Variants in SPACA7 observed in about 807,000 individuals in gnomAD.
SPACA7 encodes the protein sperm acrosome associated 7, also known as sperm acrosome-associated protein 7.
Under a neutral mutation model 26.3 loss-of-function variants are expected in SPACA7, and 19 were observed. The ratio of observed to expected loss-of-function variants is 0.72; its 90% CI spans 0.50 to 1.06. SPACA7 has a LOEUF of 1.06. Among genes scored for constraint, SPACA7 ranks in the 50% least tolerant of loss-of-function variants. The pLI is 0.00. For synonymous variants in SPACA7, 84 were observed against 84.5 expected (o/e 0.99, Z 0.04); for missense variants, 211 against 229.9 (o/e 0.92, Z 0.53).
intron 2 of SPACA7, among the ~76,000 whole-genome samples, chr13:112,394,139 C>A (rs1239936644): frequency 6.6e-6 from 1 of 152,196 alleles, no homozygotes. Context: ...TTTGCCTTCA[C>A]GGCCATTTCC....
chr13:112,401,401 G>A (rs760940692), intron 5 of SPACA7, among the ~76,000 whole-genome samples: 2 of 152,054 alleles, frequency 1.3e-5, no homozygotes, highest in Non-Finnish European at 2.9e-5. Context: ...TGTAAATGTT[G>A]CATTCATTAC....
chr13:112,415,240 C>T (rs969644997), intron 5 of SPACA7, among the ~76,000 whole-genome samples: 5 of 152,224 alleles, frequency 3.3e-5, no homozygotes, highest in East Asian at 1.9e-4. Context: ...CTCTCATGGC[C>T]GCCACAGCTG....
rs547745951 is a variant in SPACA7 at position 112,415,833 on chromosome 13, G to C, written c.445+14669G>C. 5.9e-5 allele frequency among the ~76,000 whole-genome samples: 9 copies of C among 152,226 alleles called. No homozygotes were observed. In the South Asian group the frequency reaches 1.9e-3, roughly 32 times the overall value. ...CAGCAGTGAAGCAGGGCAGGACTCAGGTTCATCCTGCAGGGCAGCGATTCT... is the reference window on the plus strand; with the variant it reads ...CAGCAGTGAAGCAGGGCAGGACTCACGTTCATCCTGCAGGGCAGCGATTCT... On this transcript the variant is annotated intron_variant, in intron 5 of 6. Coordinates refer to ENST00000283550, the MANE Select transcript of SPACA7 (RefSeq NM_145248.5).
chr13:112,419,574 A>G (rs1270317106), intron 5 of SPACA7, among the ~76,000 whole-genome samples: 3 of 152,210 alleles, frequency 2.0e-5, no homozygotes, highest in African/African-American at 4.8e-5. Context: ...GAGTAAAAGC[A>G]AAACTTTTCT....
chr13:112,433,183 G>A (rs1160980415), intron 6 of SPACA7, among the ~76,000 whole-genome samples: 8 of 148,606 alleles, frequency 5.4e-5, no homozygotes, highest in Admixed American at 1.3e-4. Flanking sequence ...GCACTTGCCC[G>A]TCCACGCAGC....
chr13:112,405,664 G>T (rs1885941585), intron 5 of SPACA7, among the ~76,000 whole-genome samples: 1 of 152,276 alleles, frequency 6.6e-6, no homozygotes. Flanking sequence ...GGAATCTGGT[G>T]TGTGTTAATA....
intron 5 of SPACA7, 53 bp downstream of exon 5, chr13:112,401,217 G>T: frequency 7.2e-7 from 1 of 1,391,490 alleles, no homozygotes; most frequent in Non-Finnish European, 1.0e-6. Flanking sequence ...GGAGGCATGA[G>T]TGTGTGAGGT....
chr13:112,401,002 G>T lies in SPACA7; in HGVS notation c.350-67G>T, dbSNP rs1052252735. ...ACTTAGCATGTTTAAATAAATAAATGACCAAAGTGCTTATAAGTGTGTAAT... is the reference window on the plus strand; with the variant it reads ...ACTTAGCATGTTTAAATAAATAAATTACCAAAGTGCTTATAAGTGTGTAAT... On this transcript the variant is annotated intron_variant, in intron 4 of 6. Coordinates refer to ENST00000283550, the MANE Select transcript of SPACA7 (RefSeq NM_145248.5). The T allele has an allele frequency of 5.3e-6, 6 of 1,140,204 alleles. No homozygotes were observed. In the African/African-American group the frequency reaches 6.2e-5, roughly 12 times the overall value. 70.6% of individuals were successfully genotyped at this position (1,140,204 alleles called of 1,614,324 possible).
intron 4 of SPACA7, 37 bp from the exon 5 acceptor site, chr13:112,401,032 G>A (rs372974169): frequency 1.7e-5 from 26 of 1,500,270 alleles, no homozygotes; most frequent in Non-Finnish European, 2.3e-5. Context: ...TGTAATCAAG[G>A]ACATTTTCCC....
intron 1 of SPACA7, among the ~76,000 whole-genome samples, chr13:112,391,305 C>T (rs1477991509): frequency 6.6e-6 from 1 of 152,214 alleles, no homozygotes; most frequent in Non-Finnish European, 1.5e-5. Flanking sequence ...TCCTTACTCT[C>T]CTTGGTCCTT....
intron 5 of SPACA7, among the ~76,000 whole-genome samples, chr13:112,415,136 A>G (rs1886607053): frequency 6.6e-6 from 1 of 152,224 alleles, no homozygotes; most frequent in Non-Finnish European, 1.5e-5. Context: ...TGGGCTCCCA[A>G]AGTCCCTCAC....
chr13:112,433,703 A>G (rs375076136), intron 6 of SPACA7, among the ~76,000 whole-genome samples: 1 of 144,328 alleles, frequency 6.9e-6, no homozygotes, highest in African/African-American at 2.5e-5. Context: ...CAGCCCCCCA[A>G]GTTCAGACTT....
At chr13:112,422,349 G>A (rs1556037) in intron 5 of SPACA7, among the ~76,000 whole-genome samples, 39,073 of 151,980 alleles carry the variant, frequency 0.26, 5,398 homozygotes, top group South Asian at 0.37. Context: ...AGTTACATTT[G>A]GAAACTTTAG....
chr13:112,430,036 T>A (rs1876913870), intron 5 of SPACA7, among the ~76,000 whole-genome samples: 1 of 152,218 alleles, frequency 6.6e-6, no homozygotes, highest in Non-Finnish European at 1.5e-5. Flanking sequence ...CCCACTTATT[T>A]CTGGCCTGTG....
At chr13:112,381,937 C>A (rs1434077679) in intron 1 of SPACA7, among the ~76,000 whole-genome samples, 1 of 152,124 alleles carries the variant, frequency 6.6e-6, no homozygotes, top group African/African-American at 2.4e-5. Flanking sequence ...AATCTTGTGG[C>A]CTCCAGCTGC....
chr13:112,434,686 A>T lies in SPACA7; in HGVS notation c.*137A>T. On this transcript the variant is annotated 3_prime_UTR_variant, in exon 7 of 7. Coordinates refer to ENST00000283550, the MANE Select transcript of SPACA7 (RefSeq NM_145248.5). ...ACATAAAGGAAAATCGTTTATTCACACGATCCCAATTGGAGTTGGTTTATT... is the reference window on the plus strand; with the variant it reads ...ACATAAAGGAAAATCGTTTATTCACTCGATCCCAATTGGAGTTGGTTTATT... The T allele has an allele frequency of 1.5e-6, 1 of 674,642 alleles. No individual in the cohort carries two copies. The highest frequency in any genetic ancestry group is 2.5e-6 in the Non-Finnish European group (1 of 394,620). The allele number at this position is 674,642 out of a possible 1,614,324, so 41.8% of individuals were successfully genotyped here.
intron 2 of SPACA7, among the ~76,000 whole-genome samples, chr13:112,395,630 C>G (rs1885194155): frequency 6.6e-6 from 1 of 152,130 alleles, no homozygotes; most frequent in African/African-American, 2.4e-5. Context: ...ACCACCTCAC[C>G]CAGCTAATTT....
intron 5 of SPACA7, among the ~76,000 whole-genome samples, chr13:112,428,134 T>C (rs1419906142): frequency 6.6e-5 from 10 of 152,232 alleles, no homozygotes; most frequent in Admixed American, 6.5e-4. Context: ...ACTTCTCATG[T>C]TTTCTAATAG....
intron 1 of SPACA7, among the ~76,000 whole-genome samples, chr13:112,387,752 T>A (rs1884621396): frequency 6.6e-6 from 1 of 152,182 alleles, no homozygotes; most frequent in Admixed American, 6.5e-5. Flanking sequence ...AATCACCATT[T>A]CCTGTTTTAT....
Sources: gnomAD v4.1 joint callset for allele counts (sites outside exome capture counted in the v4.1 genomes callset) on GRCh38, gnomAD v4.1.1 for gene constraint, MANE v1.5 for transcripts, NCBI Gene and HGNC (gene_info 2026-07-23, HGNC 2026-07-21) for gene names.